Variants in ZNF469 observed in about 807,000 individuals in gnomAD.
ZNF469 encodes zinc finger protein 469.
ZNF469 carries 1 observed loss-of-function variant against 1.0 expected under a neutral mutation model. The ratio of observed to expected loss-of-function variants is 1.00; its 90% CI spans 0.35 to 4.73. The LOEUF is 4.73. ZNF469 is among the 30% of genes most tolerant of loss of function. The probability of loss-of-function intolerance (pLI) is 0.16; values close to 1 mark genes in which losing one functional copy is unlikely to be tolerated. For missense variants in ZNF469, 6,100 were observed against 5,356.3 expected (o/e 1.14, Z -4.33); for synonymous variants, 2,703 against 2,363.4 (o/e 1.14, Z -4.17).
chr16:88,251,538 C>CT, the ZNF469 span, among the ~76,000 whole-genome samples: 38 of 51,286 alleles, frequency 7.4e-4, 11 homozygotes, highest in African/African-American at 2.7e-3. Context: ...TCCCTGCTGT[C>CT]TTTTTTTTTT....
the ZNF469 span, among the ~76,000 whole-genome samples, chr16:88,298,637 A>G: frequency 1.3e-5 from 2 of 152,136 alleles, no homozygotes. Context: ...GCTCTTGGTT[A>G]TGTGCCAGAG....
chr16:88,201,470 A>C, the ZNF469 span, among the ~76,000 whole-genome samples: 1 of 152,094 alleles, frequency 6.6e-6, no homozygotes, highest in Non-Finnish European at 1.5e-5. This position sits in a 1 kb window ranked among gnomAD's most constrained non-coding sequence, Gnocchi z 5.0. Context: ...CAGGAGAATC[A>C]TTTGAACCTG....
the ZNF469 span, among the ~76,000 whole-genome samples, chr16:88,155,117 G>T: frequency 1.3e-5 from 2 of 152,206 alleles, no homozygotes; most frequent in Admixed American, 1.3e-4. Context: ...GGGGTACAGG[G>T]CTAGGCTGGC....
chr16:88,402,817 T>A (rs1904920718), intron 1 of ZNF469, among the ~76,000 whole-genome samples: 1 of 152,152 alleles, frequency 6.6e-6, no homozygotes, highest in Admixed American at 6.5e-5. Flanking sequence ...ATGCACTTCA[T>A]CTTACCAGTG....
chr16:88,423,277 AGATG>A (rs1905565316), intron 1 of ZNF469, among the ~76,000 whole-genome samples: 1 of 149,112 alleles, frequency 6.7e-6, no homozygotes, highest in Non-Finnish European at 1.5e-5. Context: ...GTGGGTGGGT[AGATG>A]GATGGATGGA....
At chr16:88,121,406 G>C in the ZNF469 span, among the ~76,000 whole-genome samples, 1 of 152,188 alleles carries the variant, frequency 6.6e-6, no homozygotes. Context: ...GCTGTGTCAT[G>C]AGCCGAACAT....
the ZNF469 span, among the ~76,000 whole-genome samples, chr16:88,305,692 G>A: frequency 2.7e-3 from 408 of 151,998 alleles, 4 homozygotes; most frequent in Admixed American, 0.016. Context: ...ACATGCACAC[G>A]CATGACCATA....
At chr16:88,230,419 G>A in the ZNF469 span, among the ~76,000 whole-genome samples, 3 of 152,236 alleles carry the variant, frequency 2.0e-5, no homozygotes, top group African/African-American at 7.2e-5. Flanking sequence ...AGTCAGGCAG[G>A]AAAGGAGCTG....
the ZNF469 span, among the ~76,000 whole-genome samples, chr16:88,176,456 G>T: frequency 6.6e-6 from 1 of 151,874 alleles, no homozygotes; most frequent in South Asian, 2.1e-4. Context: ...AAGGAGATTT[G>T]TTCTGCAGTG....
At chr16:88,129,208 T>C in the ZNF469 span, among the ~76,000 whole-genome samples, 1 of 152,190 alleles carries the variant, frequency 6.6e-6, no homozygotes, top group Non-Finnish European at 1.5e-5. Flanking sequence ...TGCCACAGCG[T>C]CATGCCAGGA....
intron 1 of ZNF469, among the ~76,000 whole-genome samples, chr16:88,402,189 G>T (rs1238995329): frequency 6.6e-6 from 1 of 152,134 alleles, no homozygotes; most frequent in Non-Finnish European, 1.5e-5. Context: ...TGGGCGAATG[G>T]ATGGATGGAA....
the ZNF469 span, among the ~76,000 whole-genome samples, chr16:88,366,701 CCATCACCATCAT>C: frequency 1.7e-4 from 26 of 151,194 alleles, no homozygotes; most frequent in African/African-American, 6.3e-4. Context: ...ATCATCATCA[CCATCACCATCAT>C]CATCACCATC....
chr16:88,147,435 G>T, the ZNF469 span, among the ~76,000 whole-genome samples: 1 of 152,084 alleles, frequency 6.6e-6, no homozygotes, highest in Admixed American at 6.5e-5. Context: ...GAAGCTCTCG[G>T]GTGGGGAGCA....
chr16:88,420,234 T>G (rs1211338606), intron 1 of ZNF469, among the ~76,000 whole-genome samples: 1 of 152,204 alleles, frequency 6.6e-6, no homozygotes, highest in Non-Finnish European at 1.5e-5. Flanking sequence ...AGCCAGTCCC[T>G]GCTGTTTGGG....
Position 88,428,516 on chromosome 16 carries a change from G to A in ZNF469, c.1046G>A (p.Ser349Asn), listed in dbSNP as rs1905868687. The change falls in exon 3 of 3, where the codon AGC (serine) becomes AAC (asparagine). Residue 349 changes from serine to asparagine, a missense_variant. Coordinates refer to ENST00000565624, the MANE Select transcript of ZNF469 (RefSeq NM_001367624.2). ...CAGCCAGGTGGCCTGAACCGCCACA[G>A]CGACCTCAGTGGTGCCCTCTCTTCC... is the stretch of plus-strand genomic sequence containing the variant. ...QGQPGGLNRH[S>N]DLSGALSSPG... The A allele has an allele frequency of 1.3e-6, 2 of 1,549,824 alleles. No individual in the cohort carries two copies. Among genetic ancestry groups the A allele is most frequent in the Admixed American group, 2.0e-5 (1 of 50,976 alleles).
At chr16:88,235,998 G>A in the ZNF469 span, among the ~76,000 whole-genome samples, 1 of 152,232 alleles carries the variant, frequency 6.6e-6, no homozygotes, top group South Asian at 2.1e-4. Context: ...GCAATTGGTT[G>A]AGAGAGTTAA....
At position 88,434,045 on chromosome 16, in the gene ZNF469, C is replaced by T; in HGVS notation, c.6575C>T (p.Ser2192Phe). The T allele has an allele frequency of 1.3e-6, 2 of 1,550,258 alleles. No individual in the cohort carries two copies. Among genetic ancestry groups the T allele is most frequent in the Non-Finnish European group, 8.7e-7 (1 of 1,146,862 alleles). Residue 2192 changes from serine (S) to phenylalanine (F), a missense_variant, in exon 3 of 3, where the codon TCC becomes TTC. By Grantham distance (155) the Ser-to-Phe change is radical. Coordinates refer to ENST00000565624, the MANE Select transcript of ZNF469 (RefSeq NM_001367624.2). Reference protein sequence around the residue: ...QATTDTGAEDSPVAPPSLTTS... With the variant: ...QATTDTGAEDFPVAPPSLTTS... Reference sequence around the variant, plus strand: ...ACGACAGATACTGGGGCTGAGGATTCCCCGGTGGCTCCCCCGTCTTTGACA... The same window carrying T: ...ACGACAGATACTGGGGCTGAGGATTTCCCGGTGGCTCCCCCGTCTTTGACA...
the ZNF469 span, among the ~76,000 whole-genome samples, chr16:88,361,396 A>T: frequency 2.0e-4 from 30 of 152,256 alleles, no homozygotes; most frequent in Admixed American, 2.6e-4. Flanking sequence ...TTATATAGGA[A>T]AATCTAGAGC....
chr16:88,408,114 C>T (rs918732757), intron 1 of ZNF469, among the ~76,000 whole-genome samples: 5 of 152,222 alleles, frequency 3.3e-5, no homozygotes, highest in African/African-American at 9.6e-5. Flanking sequence ...GTCGTATAGG[C>T]CTCATTTTCC....
Sources: allele counts gnomAD v4.1 joint callset (sites outside exome capture counted in the v4.1 genomes callset), GRCh38; gene constraint gnomAD v4.1.1; non-coding constraint Gnocchi (gnomAD v3.1); transcripts MANE v1.5; gene names NCBI Gene and HGNC (gene_info 2026-07-23, HGNC 2026-07-21).